The following FAM135B variants were observed in gnomAD, a reference collection of about 807,000 sequenced individuals.
FAM135B encodes the protein protein FAM135B.
Under a neutral mutation model 127.7 loss-of-function variants are expected in FAM135B, and 43 were observed. The observed-to-expected ratio is 0.34, with a 90% CI of 0.26 to 0.43. The LOEUF (loss-of-function observed/expected upper bound fraction) is 0.43. Ranked by LOEUF, FAM135B falls within the 20% of genes least tolerant of loss-of-function variation. The pLI is 1.00. For missense variants in FAM135B, 1,558 were observed against 1,725.6 expected, an observed-to-expected ratio of 0.90 and a Z score of 1.72; for synonymous variants, 670 against 665.1, an observed-to-expected ratio of 1.01 and a Z score of -0.11.
At chr8:138,486,123 T>C (rs1814974939) in intron 1 of FAM135B, among the ~76,000 whole-genome samples, 1 of 151,934 alleles carries the variant, frequency 6.6e-6, no homozygotes, top group African/African-American at 2.4e-5. Context: ...CTGGTGTAGC[T>C]GGCATCCCGT....
At chr8:138,163,406 A>T (rs1819597328) in intron 12 of FAM135B, among the ~76,000 whole-genome samples, 2 of 152,110 alleles carry the variant, frequency 1.3e-5, no homozygotes, top group Non-Finnish European at 2.9e-5. Context: ...TGTTTAGGCC[A>T]TGTGATATGG....
chr8:138,149,976 T>C (rs960484255), intron 13 of FAM135B, among the ~76,000 whole-genome samples: 1 of 152,216 alleles, frequency 6.6e-6, no homozygotes, highest in East Asian at 1.9e-4. Context: ...AAGTACCATA[T>C]GATAGGTAGT....
chr8:138,376,132 AG>A (rs1176504328), intron 1 of FAM135B, among the ~76,000 whole-genome samples: 1 of 151,962 alleles, frequency 6.6e-6, no homozygotes, highest in East Asian at 1.9e-4. Flanking sequence ...TAGTAGAGAC[AG>A]GGTTTCACTG....
intron 9 of FAM135B, among the ~76,000 whole-genome samples, chr8:138,186,314 A>G (rs79744264): frequency 0.04 from 6,093 of 152,284 alleles, 251 homozygotes; most frequent in African/African-American, 0.1. Context: ...AGTGGTCAGC[A>G]CACAGTAGAT....
Position 138,152,933 on chromosome 8 carries a change from A to C in FAM135B, c.1542T>G (p.Pro514=). 6.2e-7 allele frequency: 1 copy of C among 1,614,208 alleles called. No homozygotes were observed. The highest frequency in any genetic ancestry group is 8.5e-7 in the Non-Finnish European group (1 of 1,180,042). The change falls in exon 13 of 20, where the codon CCT becomes CCG. Residue 514 remains proline, a synonymous_variant. Coordinates refer to ENST00000395297, the MANE Select transcript of FAM135B (RefSeq NM_015912.4). ...TTTGGCCAGTCCAACATTCATCTTCAGGCACACCTGCTTTGTTTTGAAATT... is the reference window on the plus strand; with the variant it reads ...TTTGGCCAGTCCAACATTCATCTTCCGGCACACCTGCTTTGTTTTGAAATT... ...IGEFQNKAGV[P]EDECWTGQTS...
chr8:138,249,815 G>A (rs963559210), intron 6 of FAM135B, among the ~76,000 whole-genome samples: 2 of 152,224 alleles, frequency 1.3e-5, no homozygotes, highest in Admixed American at 6.5e-5. Flanking sequence ...GAAACACCAT[G>A]CTGCAACATT....
chr8:138,484,443 G>C (rs1055503060), intron 1 of FAM135B, among the ~76,000 whole-genome samples: 3 of 152,182 alleles, frequency 2.0e-5, no homozygotes, highest in African/African-American at 7.2e-5. Flanking sequence ...AATAAGTTTT[G>C]AGATCAAACA....
rs560424886 is a variant in FAM135B, at chr8:138,221,748, G to A, written c.669+21194C>T. 8.3e-4 allele frequency among the ~76,000 whole-genome samples: 126 copies of A among 152,244 alleles called. 1 individual carries two copies. The highest frequency in any genetic ancestry group is 2.6e-3 in the African/African-American group (107 of 41,528). The stretch of plus-strand genomic sequence containing the variant: ...GAGTAAAAGCTGCTCTGATCCCACC[G>A]AACAAATCTTAAAAAGCAAGCTTTG... On this transcript the variant is annotated intron_variant, in intron 7 of 19. Coordinates refer to ENST00000395297, the MANE Select transcript of FAM135B (RefSeq NM_015912.4).
chr8:138,459,138 A>G (rs1480845359), intron 1 of FAM135B: 1 of 152,158 alleles, frequency 6.6e-6, no homozygotes, highest in Non-Finnish European at 1.5e-5. Flanking sequence ...AATGACAGGG[A>G]TTTGCAGGAA....
intron 2 of FAM135B, among the ~76,000 whole-genome samples, chr8:138,326,768 CA>C (rs1250260996): frequency 6.6e-6 from 1 of 152,126 alleles, no homozygotes; most frequent in Non-Finnish European, 1.5e-5. Context: ...CCAAACAATT[CA>C]TTTTACCTCT....
chr8:138,266,083 C>T (rs780136846), intron 3 of FAM135B, among the ~76,000 whole-genome samples: 16 of 152,180 alleles, frequency 1.1e-4, no homozygotes, highest in Non-Finnish European at 1.8e-4. Flanking sequence ...GGCTAAGTCA[C>T]TCATGCCGTG....
chr8:138,346,453 G>A (rs543550912), intron 2 of FAM135B, among the ~76,000 whole-genome samples: 2 of 152,218 alleles, frequency 1.3e-5, no homozygotes, highest in African/African-American at 4.8e-5. Flanking sequence ...TAAAGAAAAT[G>A]TGTTACATAT....
chr8:138,156,696 G>A (rs183711895), intron 12 of FAM135B, among the ~76,000 whole-genome samples: 15 of 152,218 alleles, frequency 9.9e-5, no homozygotes, highest in Admixed American at 9.8e-4. Flanking sequence ...AGAAAATATA[G>A]AAGAAATGGA....
chr8:138,322,805 T>TC (rs1827536723), intron 2 of FAM135B, among the ~76,000 whole-genome samples: 2 of 152,094 alleles, frequency 1.3e-5, no homozygotes, highest in Non-Finnish European at 2.9e-5. Context: ...CCATCTGGAA[T>TC]CCCAGCCTCA....
chr8:138,163,807 T>C (rs1173086601), intron 12 of FAM135B, among the ~76,000 whole-genome samples: 3 of 152,102 alleles, frequency 2.0e-5, no homozygotes, highest in Non-Finnish European at 2.9e-5. Flanking sequence ...GAACAAATGC[T>C]ATTATGGCTT....
intron 2 of FAM135B, among the ~76,000 whole-genome samples, chr8:138,320,243 T>G (rs1333687864): frequency 6.6e-6 from 1 of 152,208 alleles, no homozygotes; most frequent in African/African-American, 2.4e-5. Flanking sequence ...TTCCTCCTCA[T>G]GACAAAACCA....
rs577436880 is a variant in FAM135B at position 138,231,429 on chromosome 8, C to T, written c.669+11513G>A. On this transcript the variant is annotated intron_variant, in intron 7 of 19. Coordinates refer to ENST00000395297, the MANE Select transcript of FAM135B (RefSeq NM_015912.4). ...TCACACCTGAGGGGTTTAACATAACCGTTGTCCACATCATATCAGTGCAAA... is the reference window on the plus strand; with the variant it reads ...TCACACCTGAGGGGTTTAACATAACTGTTGTCCACATCATATCAGTGCAAA... Among the ~76,000 whole-genome samples the T allele has an allele frequency of 4.6e-5, 7 of 152,260 alleles. No homozygotes were observed. In the South Asian group the frequency reaches 1.2e-3, roughly 27 times the overall value.
chr8:138,436,878 T>C (rs1005976019), intron 1 of FAM135B: 1 of 152,248 alleles, frequency 6.6e-6, no homozygotes, highest in African/African-American at 2.4e-5. Flanking sequence ...TAAAATTTAT[T>C]GACATATTTA....
At chr8:138,228,445 T>C (rs997259514) in intron 7 of FAM135B, among the ~76,000 whole-genome samples, 3 of 152,128 alleles carry the variant, frequency 2.0e-5, no homozygotes, top group Non-Finnish European at 2.9e-5. Flanking sequence ...TATTCAAGGT[T>C]GTTTACCACT....
Sources: allele counts gnomAD v4.1 joint callset (sites outside exome capture counted in the v4.1 genomes callset), GRCh38; gene constraint gnomAD v4.1.1; transcripts MANE v1.5; gene names NCBI Gene and HGNC (gene_info 2026-07-23, HGNC 2026-07-21).